The following COMMD10 variants were observed in gnomAD, a reference collection of about 807,000 sequenced individuals.
COMMD10 encodes COMM domain containing 10, also known as COMM domain-containing protein 10.
COMMD10 carries 33 observed loss-of-function variants against 28.9 expected under a neutral mutation model. The ratio of observed to expected loss-of-function variants is 1.14; its 90% CI spans 0.87 to 1.53. The LOEUF is 1.53. COMMD10 is among the 40% of genes most tolerant of loss of function. COMMD10 has a pLI of 0.00. For synonymous variants in COMMD10, 110 were observed against 81.7 expected (o/e 1.35, Z -1.87); for missense variants, 310 against 233.4 (o/e 1.33, Z -2.14).
In COMMD10 at chr5:116,220,806, A is replaced by C. The variant is rs573692287; in HGVS notation, c.511-70711A>C. On this transcript the variant is annotated intron_variant, in intron 5 of 6. Coordinates refer to ENST00000274458, the MANE Select transcript of COMMD10 (RefSeq NM_016144.4). ...ATGGGAATCTGTAGAGTGGGTTTAAAAAATTATTTTAAAGGGACCATCTTT... is the reference window on the plus strand; with the variant it reads ...ATGGGAATCTGTAGAGTGGGTTTAACAAATTATTTTAAAGGGACCATCTTT... 3.5e-4 allele frequency among the ~76,000 whole-genome samples: 54 copies of C among 152,260 alleles called. 1 individual carries two copies. Among genetic ancestry groups the C allele is most frequent in the Middle Eastern group, 6.8e-3 (2 of 294 alleles).
intron 5 of COMMD10, among the ~76,000 whole-genome samples, chr5:116,286,229 A>G (rs1156959219): frequency 6.6e-6 from 1 of 151,300 alleles, no homozygotes; most frequent in African/African-American, 2.4e-5. Context: ...TTTTAATGTT[A>G]GTTATTTGGG....
intron 1 of COMMD10, chr5:116,085,724 A>C (rs923125882): frequency 1.3e-5 from 2 of 152,216 alleles, no homozygotes; most frequent in African/African-American, 4.8e-5. Context: ...TATTTAAGTA[A>C]AAAAAGACTC....
chr5:116,200,230 C>A (rs4920907), intron 5 of COMMD10, among the ~76,000 whole-genome samples: 2 of 152,144 alleles, frequency 1.3e-5, no homozygotes, highest in South Asian at 2.1e-4. Context: ...ACTATATATA[C>A]TTTTTTGTAC....
At chr5:116,244,042 CATATT>C (rs1236086243) in intron 5 of COMMD10, among the ~76,000 whole-genome samples, 5 of 152,034 alleles carry the variant, frequency 3.3e-5, no homozygotes, top group Non-Finnish European at 7.4e-5. Context: ...TACACACACA[CATATT>C]ATATATCTAT....
intron 5 of COMMD10, among the ~76,000 whole-genome samples, chr5:116,271,959 A>T (rs544055483): frequency 6.6e-6 from 1 of 152,050 alleles, no homozygotes; most frequent in African/African-American, 2.4e-5. Flanking sequence ...AGTAAAAATT[A>T]CTTATAACCA....
chr5:116,094,898 T>G (rs1170437358), intron 4 of COMMD10, among the ~76,000 whole-genome samples: 1 of 152,178 alleles, frequency 6.6e-6, no homozygotes, highest in Non-Finnish European at 1.5e-5. Context: ...GTCTTTATGT[T>G]ACGTGAAATA....
intron 5 of COMMD10, among the ~76,000 whole-genome samples, chr5:116,259,816 C>G (rs747112660): frequency 2.6e-5 from 4 of 151,594 alleles, no homozygotes; most frequent in Non-Finnish European, 4.4e-5. Context: ...CTGGGACTCT[C>G]CATAGTCAGA....
chr5:116,166,171 T>G (rs1753087822), intron 5 of COMMD10, among the ~76,000 whole-genome samples: 1 of 124,910 alleles, frequency 8.0e-6, no homozygotes, highest in Non-Finnish European at 1.8e-5. Context: ...CGATAGTTGT[T>G]CCTCAGAGTT....
At chr5:116,108,129 C>T (rs1421095494) in intron 4 of COMMD10, among the ~76,000 whole-genome samples, 1 of 152,196 alleles carries the variant, frequency 6.6e-6, no homozygotes, top group East Asian at 1.9e-4. Context: ...TGGGGTTTCT[C>T]CCAGTCAGGA....
chr5:116,193,594 T>TA (rs1748430202), intron 5 of COMMD10, among the ~76,000 whole-genome samples: 1 of 152,158 alleles, frequency 6.6e-6, no homozygotes, highest in African/African-American at 2.4e-5. Context: ...TATGTAATGG[T>TA]AAAAGGCCTT....
At chr5:116,261,692 C>G (rs72806941) in intron 5 of COMMD10, among the ~76,000 whole-genome samples, 1 of 151,694 alleles carries the variant, frequency 6.6e-6, no homozygotes, top group Admixed American at 6.6e-5. Context: ...TTCTGGCTTC[C>G]TCATTCCTAT....
intron 4 of COMMD10, among the ~76,000 whole-genome samples, chr5:116,117,393 A>C (rs1039461211): frequency 1.3e-5 from 2 of 152,202 alleles, no homozygotes; most frequent in Admixed American, 6.5e-5. Context: ...ATATGTGTGA[A>C]TCTCACCTTG....
At chr5:116,208,779 T>C (rs1748882832) in intron 5 of COMMD10, among the ~76,000 whole-genome samples, 1 of 152,186 alleles carries the variant, frequency 6.6e-6, no homozygotes, top group Admixed American at 6.5e-5. Context: ...TTCCCTGTTA[T>C]TTTATCTTTT....
chr5:116,236,745 T>A (rs1749676032), intron 5 of COMMD10, among the ~76,000 whole-genome samples: 1 of 152,062 alleles, frequency 6.6e-6, no homozygotes, highest in African/African-American at 2.4e-5. Flanking sequence ...CCATGTATGA[T>A]ACTATAATTT....
chr5:116,187,855 ACACTTT>A (rs149050536), intron 5 of COMMD10, among the ~76,000 whole-genome samples: 2,009 of 152,284 alleles, frequency 0.013, 43 homozygotes, highest in African/African-American at 0.044. Context: ...TTTATACCTT[ACACTTT>A]ATTTTAGTTA....
intron 5 of COMMD10, among the ~76,000 whole-genome samples, chr5:116,211,514 C>G (rs1030235309): frequency 6.6e-6 from 1 of 152,066 alleles, no homozygotes; most frequent in Non-Finnish European, 1.5e-5. Context: ...CTATTTTAAT[C>G]TTATGGGGCC....
intron 5 of COMMD10, among the ~76,000 whole-genome samples, chr5:116,290,568 G>C (rs1751336652): frequency 2.6e-5 from 4 of 151,784 alleles, no homozygotes. Flanking sequence ...AGTGAACATA[G>C]AAACTGCGAA....
intron 5 of COMMD10, among the ~76,000 whole-genome samples, chr5:116,205,220 C>G (rs1363919603): frequency 6.6e-6 from 1 of 152,054 alleles, no homozygotes; most frequent in Non-Finnish European, 1.5e-5. Context: ...ATTCCTTAAA[C>G]AAATGAAAGC....
At chr5:116,126,567 C>A (rs918243409) in intron 4 of COMMD10, among the ~76,000 whole-genome samples, 2 of 151,584 alleles carry the variant, frequency 1.3e-5, no homozygotes, top group East Asian at 1.9e-4. Context: ...GTACTGGTAC[C>A]AAAACAGAGA....
Sources: gnomAD v4.1 joint callset for allele counts (sites outside exome capture counted in the v4.1 genomes callset) on GRCh38, gnomAD v4.1.1 for gene constraint, MANE v1.5 for transcripts, NCBI Gene and HGNC (gene_info 2026-07-23, HGNC 2026-07-21) for gene names.